CLCN7: variants seen among roughly 807,000 people sequenced by gnomAD.
The protein encoded by CLCN7 is Cl-/H+ antiporter 7.
In CLCN7, 60 loss-of-function variants were observed where a neutral mutation model predicts 102.1. The observed-to-expected ratio is 0.59, with a 90% CI of 0.48 to 0.73. The LOEUF is 0.73. CLCN7 is among the 30% of genes least tolerant of loss of function. The pLI is 0.00. For missense variants in CLCN7, 962 were observed against 1,125.7 expected (o/e 0.85, Z 2.08); for synonymous variants, 560 against 490.5 (o/e 1.14, Z -1.87).
intron 6 of CLCN7, 40 bp from the exon 7 acceptor site, chr16:1,459,227 G>T: frequency 1.3e-6 from 2 of 1,530,710 alleles, no homozygotes; most frequent in African/African-American, 1.4e-5. Flanking sequence ...TCACGGCCAG[G>T]CTGAGACAGA....
chr16:1,465,751 C>T (rs2038996799), intron 1 of CLCN7, among the ~76,000 whole-genome samples: 2 of 152,366 alleles, frequency 1.3e-5, no homozygotes, highest in East Asian at 3.9e-4. Context: ...ACAGAGTCAC[C>T]TCCACTGCAG....
intron 1 of CLCN7, among the ~76,000 whole-genome samples, chr16:1,469,456 C>T (rs2263023): frequency 0.6 from 91,207 of 151,866 alleles, 28,168 homozygotes; most frequent in African/African-American, 0.7. Context: ...GAGGCTGAGG[C>T]GGGCTGATCA....
At chr16:1,458,836 G>A (rs959808054) in intron 7 of CLCN7, among the ~76,000 whole-genome samples, 13 of 152,338 alleles carry the variant, frequency 8.5e-5, no homozygotes, top group East Asian at 3.9e-4. Flanking sequence ...AGTCACAGAC[G>A]CGTCGCACAG....
At chr16:1,456,604 C>T (rs912785893) in intron 9 of CLCN7, among the ~76,000 whole-genome samples, 5 of 152,108 alleles carry the variant, frequency 3.3e-5, no homozygotes, top group African/African-American at 4.8e-5. Context: ...TTTGGGAGGC[C>T]GAGGCAGGCG....
At chr16:1,447,613 C>G (rs926812589) in intron 22 of CLCN7, 42 bp downstream of exon 22, 1 of 1,551,718 alleles carries the variant, frequency 6.4e-7, no homozygotes, top group Admixed American at 2.0e-5. Flanking sequence ...GCAGCACCCC[C>G]GGGGCCCCCA....
chr16:1,450,695 T>G (rs781541111), intron 16 of CLCN7, 29 bp from the exon 17 acceptor site: 3 of 1,363,924 alleles, frequency 2.2e-6, no homozygotes, highest in Non-Finnish European at 3.0e-6. Context: ...TGACGGGGCC[T>G]CCACGACTCC....
At position 1,448,624 on chromosome 16, in the gene CLCN7, G is replaced by A. The variant is rs1391826276; in HGVS notation, c.1883+57C>T. On this transcript the variant is annotated intron_variant, in intron 20 of 24. Transcript: ENST00000382745. ...CCCGCAAGCCGTGCACCCTGCCCCT[G>A]TGCAACAAGAGGCCGCTGGACACCC... 8.1e-6 allele frequency: 13 copies of A among 1,606,254 alleles called. No homozygotes were observed. In the Admixed American group the frequency reaches 2.0e-4, roughly 25 times the overall value.
At chr16:1,448,216 T>A in intron 21 of CLCN7, 139 bp downstream of exon 21, 1 of 1,183,696 alleles carries the variant, frequency 8.4e-7, no homozygotes, top group South Asian at 1.4e-5. Context: ...GGCTGCACAC[T>A]CAGCTTCCGG....
intron 12 of CLCN7, 25 bp from the exon 13 acceptor site, chr16:1,454,490 G>A (rs1294063315): frequency 3.1e-6 from 5 of 1,609,216 alleles, no homozygotes; most frequent in Non-Finnish European, 4.3e-6. Flanking sequence ...GGAGAAGGCA[G>A]AGGATGTGAG....
At position 1,458,381 on chromosome 16, in the gene CLCN7, G is replaced by C. The variant is rs547853424; in HGVS notation, c.676-625C>G. 2.0e-5 allele frequency among the ~76,000 whole-genome samples: 3 copies of C among 152,270 alleles called. No individual in the cohort carries two copies. In the South Asian group the frequency reaches 6.2e-4, roughly 32 times the overall value. On this transcript the variant is annotated intron_variant, in intron 7 of 24. Transcript: ENST00000382745. ...CAACCCTCAGCCAACAAAAGTTATA[G>C]AGCAACATCCAAGAAGGTTCAGGCC...
chr16:1,453,429 G>A lies in CLCN7; in HGVS notation c.1214+405C>T, dbSNP rs567553174. ...ATGTGTGGGAAGTGGCGCTACCCGTGCCCCGGCTGTACCCGACAGTATTGA... is the reference window on the plus strand; with the variant it reads ...ATGTGTGGGAAGTGGCGCTACCCGTACCCCGGCTGTACCCGACAGTATTGA... On this transcript the variant is annotated intron_variant, in intron 14 of 24. Coordinates refer to ENST00000382745, the MANE Select transcript of CLCN7 (RefSeq NM_001287.6). Among the ~76,000 whole-genome samples the A allele has an allele frequency of 1.2e-4, 19 of 152,336 alleles. No individual in the cohort carries two copies. The South Asian group carries it at 3.7e-3, about 30-fold the overall frequency.
At chr16:1,451,566 A>C in intron 16 of CLCN7, 57 bp downstream of exon 16, 1 of 1,478,092 alleles carries the variant, frequency 6.8e-7, no homozygotes, top group Non-Finnish European at 9.4e-7. Flanking sequence ...ACTCAGCCAG[A>C]AGGCATCACC....
chr16:1,460,755 C>CG (rs1373015859), intron 5 of CLCN7, 61 bp downstream of exon 5: 3 of 1,611,478 alleles, frequency 1.9e-6, no homozygotes, highest in Non-Finnish European at 2.5e-6. Flanking sequence ...GACTTCTGCC[C>CG]GGGACTCGGC....
Position 1,453,817 on chromosome 16 carries a change from A to G in CLCN7, c.1214+17T>C. Reference sequence around the variant, plus strand: ...GCCACGCCTGCCAACGCGATATGCAATGCGGTTTCTCCTCACCTGATTCGA... The same window carrying G: ...GCCACGCCTGCCAACGCGATATGCAGTGCGGTTTCTCCTCACCTGATTCGA... On this transcript the variant is annotated intron_variant, in intron 14 of 24. Coordinates refer to ENST00000382745, the MANE Select transcript of CLCN7 (RefSeq NM_001287.6). The G allele has an allele frequency of 6.2e-7, 1 of 1,612,962 alleles. No individual in the cohort carries two copies. Among genetic ancestry groups the G allele is most frequent in the Non-Finnish European group, 8.5e-7 (1 of 1,179,658 alleles).
Position 1,446,078 on chromosome 16 carries a change from C to T in CLCN7, c.*553G>A, listed in dbSNP as rs1011438412. The T allele has an allele frequency of 4.1e-5, 24 of 590,162 alleles. No homozygotes were observed. Among genetic ancestry groups the T allele is most frequent in the Admixed American group, 9.2e-5 (3 of 32,532 alleles). The allele number at this position is 590,162 out of a possible 1,614,324, so 36.6% of individuals were successfully genotyped here. On this transcript the variant is annotated 3_prime_UTR_variant, in exon 25 of 25. Transcript: ENST00000382745. ...GTGGCGCCAGTGTGAAGCTGCTCTC[C>T]GGGGCGGTCGCAGCCTCCAAACCCT...
At chr16:1,452,659 G>A (rs2038769677) in intron 15 of CLCN7, 96 bp downstream of exon 15, 2 of 1,338,084 alleles carry the variant, frequency 1.5e-6, no homozygotes, top group Non-Finnish European at 2.1e-6. Flanking sequence ...AACTCGGCGG[G>A]GTGGGCAGCC....
intron 7 of CLCN7, among the ~76,000 whole-genome samples, chr16:1,458,070 T>G (rs1377591451): frequency 1.3e-5 from 2 of 152,056 alleles, no homozygotes; most frequent in Non-Finnish European, 2.9e-5. Flanking sequence ...CACACCTGCC[T>G]CCGCCAGCGT....
At chr16:1,459,006 G>T in intron 7 of CLCN7, 101 bp downstream of exon 7, 1 of 967,358 alleles carries the variant, frequency 1.0e-6, no homozygotes, top group Non-Finnish European at 1.6e-6. Flanking sequence ...TACACAGGGT[G>T]GCTGAGGCCA....
rs1453039265 is a variant in CLCN7, at chr16:1,453,907, G to A, written c.1154-13C>T. On this transcript the variant is annotated splice_polypyrimidine_tract_variant and intron_variant, in intron 13 of 24. Coordinates refer to ENST00000382745, the MANE Select transcript of CLCN7 (RefSeq NM_001287.6). ...CCAAGCACACCGCCTGCGAACAGGG[G>A]AAAGGCCAGTCAGCGACACCGGAGG... 5.6e-6 allele frequency: 9 copies of A among 1,612,816 alleles called. No individual in the cohort carries two copies. The highest frequency in any genetic ancestry group is 1.3e-5 in the African/African-American group (1 of 74,942).
Sources: allele counts gnomAD v4.1 joint callset (sites outside exome capture counted in the v4.1 genomes callset), GRCh38; gene constraint gnomAD v4.1.1; transcripts MANE v1.5; gene names NCBI Gene and HGNC (gene_info 2026-07-23, HGNC 2026-07-21).